The following STAG1 variants were observed in gnomAD, a reference collection of about 807,000 sequenced individuals.
STAG1 encodes STAG1 cohesin complex component, also known as cohesin subunit SA-1.
Under a neutral mutation model 170.9 loss-of-function variants are expected in STAG1, and 26 were observed. That is an observed-to-expected ratio of 0.15 (90% CI 0.11 to 0.21). The LOEUF is 0.21. Ranked by LOEUF, STAG1 falls within the 10% of genes least tolerant of loss-of-function variation. The pLI is 1.00. For synonymous variants in STAG1, 514 were observed against 497.7 expected (o/e 1.03, Z -0.44); for missense variants, 964 against 1,509.5 (o/e 0.64, Z 5.99).
At chr3:136,355,351 TAAAAAA>T (rs370605205) in intron 28 of STAG1, among the ~76,000 whole-genome samples, 5 of 29,994 alleles carry the variant, frequency 1.7e-4, no homozygotes, top group African/African-American at 5.8e-4. Context: ...GACTCCATCT[TAAAAAA>T]AAAAAAAAAA....
chr3:136,719,998 G>A (rs1402548970), intron 1 of STAG1, among the ~76,000 whole-genome samples: 1 of 151,762 alleles, frequency 6.6e-6, no homozygotes, highest in African/African-American at 2.4e-5. Context: ...CCATTACGGA[G>A]AAATCCCATC....
chr3:136,565,859 A>T (rs553442414), intron 5 of STAG1, among the ~76,000 whole-genome samples: 2 of 152,326 alleles, frequency 1.3e-5, no homozygotes, highest in South Asian at 2.1e-4. Context: ...AAACGAAATG[A>T]ACTACTGATG....
intron 6 of STAG1, among the ~76,000 whole-genome samples, chr3:136,537,524 G>C (rs1312576975): frequency 7.4e-6 from 1 of 134,952 alleles, no homozygotes; most frequent in Non-Finnish European, 1.6e-5. Context: ...TTTTTGAGGT[G>C]AAGTCTCACT....
At position 136,545,233 on chromosome 3, in the gene STAG1, A is replaced by G. The variant is rs183037962; in HGVS notation, c.395-3038T>C. ...GTAATTATTCTCTACTAAAAACACA[A>G]TAAGTTTTGTATTTTTAGTAGAGAC... On this transcript the variant is annotated intron_variant, in intron 5 of 33. Coordinates refer to ENST00000383202, the MANE Select transcript of STAG1 (RefSeq NM_005862.3). 1.3e-4 allele frequency among the ~76,000 whole-genome samples: 20 copies of G among 152,038 alleles called. No homozygotes were observed. In the East Asian group the frequency reaches 3.1e-3, roughly 24 times the overall value.
intron 6 of STAG1, among the ~76,000 whole-genome samples, chr3:136,523,443 T>A (rs956467620): frequency 3.9e-5 from 6 of 152,246 alleles, no homozygotes; most frequent in Non-Finnish European, 8.8e-5. Context: ...TTTGTTTGAA[T>A]TCTTTGTAGA....
In STAG1 at chr3:136,731,911, G is replaced by A. The variant is rs535382858; in HGVS notation, c.-84+20284C>T. Among the ~76,000 whole-genome samples the A allele has an allele frequency of 9.9e-5, 15 of 152,190 alleles. No homozygotes were observed. The South Asian group carries it at 2.9e-3, about 29-fold the overall frequency. On this transcript the variant is annotated intron_variant, in intron 1 of 33. Coordinates refer to ENST00000383202, the MANE Select transcript of STAG1 (RefSeq NM_005862.3). The stretch of plus-strand genomic sequence containing the variant: ...GCATAAATTATTCCAATAAACAGAC[G>A]GGAGGTGTGGAGGCAAAATATCACA...
At chr3:136,633,429 G>C in intron 1 of STAG1, among the ~76,000 whole-genome samples, 1 of 152,250 alleles carries the variant, frequency 6.6e-6, no homozygotes, top group Non-Finnish European at 1.5e-5. Context: ...GGCCAGACAT[G>C]GTGGCTCACG....
At chr3:136,521,003 T>C (rs1032821442) in intron 7 of STAG1, among the ~76,000 whole-genome samples, 1 of 152,106 alleles carries the variant, frequency 6.6e-6, no homozygotes, top group African/African-American at 2.4e-5. Flanking sequence ...AGACAGACAT[T>C]TGATGACACT....
intron 5 of STAG1, among the ~76,000 whole-genome samples, chr3:136,551,703 C>T (rs1936413941): frequency 6.6e-6 from 1 of 151,918 alleles, no homozygotes; most frequent in Admixed American, 6.6e-5. Flanking sequence ...GCCTCAACCT[C>T]TTGGCCACCT....
intron 1 of STAG1, among the ~76,000 whole-genome samples, chr3:136,735,102 CT>C (rs1186026506): frequency 6.6e-6 from 1 of 152,052 alleles, no homozygotes; most frequent in African/African-American, 2.4e-5. Flanking sequence ...CCTTCCTACC[CT>C]ATCTCTCCCT....
intron 16 of STAG1, chr3:136,430,294 G>A (rs2088258733): frequency 6.6e-6 from 1 of 152,020 alleles, no homozygotes; most frequent in Non-Finnish European, 1.5e-5. Context: ...TAGCAGATGA[G>A]GACCACTATA....
intron 5 of STAG1, among the ~76,000 whole-genome samples, chr3:136,553,517 T>C (rs569943676): frequency 6.6e-6 from 1 of 152,350 alleles, no homozygotes; most frequent in African/African-American, 2.4e-5. Context: ...GGCTCATGCC[T>C]GTAATCCCAG....
chr3:136,446,457 C>T (rs1157927066), intron 14 of STAG1, among the ~76,000 whole-genome samples: 1 of 152,058 alleles, frequency 6.6e-6, no homozygotes, highest in African/African-American at 2.4e-5. Flanking sequence ...GAGTCTCACT[C>T]TGTCGCCCAG....
chr3:136,624,100 T>C (rs1051027576), intron 2 of STAG1, among the ~76,000 whole-genome samples: 10 of 151,958 alleles, frequency 6.6e-5, no homozygotes, highest in Admixed American at 1.3e-4. Context: ...AACTCTTATA[T>C]TGGAATCTTT....
intron 10 of STAG1, among the ~76,000 whole-genome samples, chr3:136,473,942 A>G (rs1259901477): frequency 6.6e-6 from 1 of 152,228 alleles, no homozygotes; most frequent in East Asian, 1.9e-4. Flanking sequence ...TTTTAAACCT[A>G]TAATTAGGGA....
intron 13 of STAG1, among the ~76,000 whole-genome samples, chr3:136,460,687 C>G (rs1211514604): frequency 1.3e-5 from 2 of 151,488 alleles, no homozygotes; most frequent in African/African-American, 2.4e-5. Context: ...AAGTCTCCCC[C>G]CCCAAAAAAA....
chr3:136,650,059 G>A (rs1164897332), intron 1 of STAG1, among the ~76,000 whole-genome samples: 1 of 151,746 alleles, frequency 6.6e-6, no homozygotes, highest in Non-Finnish European at 1.5e-5. Context: ...GAGCCATCAC[G>A]CCCAGCCAAA....
At chr3:136,729,844 G>A (rs1933904503) in intron 1 of STAG1, among the ~76,000 whole-genome samples, 1 of 142,430 alleles carries the variant, frequency 7.0e-6, no homozygotes, top group Admixed American at 7.2e-5. Context: ...CTCTCAAAGT[G>A]CTGAGATTAC....
intron 14 of STAG1, among the ~76,000 whole-genome samples, chr3:136,451,557 G>A (rs185790386): frequency 6.6e-6 from 1 of 152,256 alleles, no homozygotes; most frequent in Admixed American, 6.5e-5. Flanking sequence ...TAAGTCAGGA[G>A]TTCAAGACCA....
Sources: gnomAD v4.1 joint callset for allele counts (sites outside exome capture counted in the v4.1 genomes callset) on GRCh38, gnomAD v4.1.1 for gene constraint, MANE v1.5 for transcripts, NCBI Gene and HGNC (gene_info 2026-07-23, HGNC 2026-07-21) for gene names.